MECOM: variants seen among roughly 807,000 people sequenced by gnomAD.
MECOM encodes MDS1 and EVI1 complex locus.
Under a neutral mutation model 116.3 loss-of-function variants are expected in MECOM, and 13 were observed. The observed-to-expected ratio is 0.11, with a 90% confidence interval of 0.07 to 0.18. The LOEUF is 0.18. Ranked by LOEUF, MECOM falls within the 10% of genes least tolerant of loss-of-function variation. MECOM has a pLI of 1.00. For missense variants in MECOM, 1,299 were observed against 1,509.0 expected (o/e 0.86, Z 2.31); for synonymous variants, 528 against 535.2 (o/e 0.99, Z 0.19).
At chr3:169,447,487 C>A (rs1488618100) in intron 1 of MECOM, among the ~76,000 whole-genome samples, 1 of 152,098 alleles carries the variant, frequency 6.6e-6, no homozygotes, top group Non-Finnish European at 1.5e-5. Flanking sequence ...CAAAGAAAGG[C>A]AGAATCATAC....
intron 1 of MECOM, among the ~76,000 whole-genome samples, chr3:169,481,879 A>T (rs570026236): frequency 6.6e-6 from 1 of 152,296 alleles, no homozygotes. Context: ...ACCATATCTC[A>T]AAGATCTGCC....
chr3:169,537,275 G>A (rs1759491209), intron 1 of MECOM, among the ~76,000 whole-genome samples: 1 of 152,128 alleles, frequency 6.6e-6, no homozygotes, highest in Non-Finnish European at 1.5e-5. Flanking sequence ...GTGGAATGCT[G>A]GGGAACCCTG....
At chr3:169,261,925 A>T (rs1757608493) in intron 2 of MECOM, among the ~76,000 whole-genome samples, 1 of 152,260 alleles carries the variant, frequency 6.6e-6, no homozygotes, top group Admixed American at 6.5e-5. Flanking sequence ...TGCTATCTGT[A>T]GCTACAAAGA....
intron 2 of MECOM, among the ~76,000 whole-genome samples, chr3:169,319,386 G>C (rs1255248082): frequency 6.6e-6 from 1 of 152,012 alleles, no homozygotes; most frequent in Non-Finnish European, 1.5e-5. Flanking sequence ...AGAACACATG[G>C]ACATGGGGAA....
intron 2 of MECOM, among the ~76,000 whole-genome samples, chr3:169,304,966 C>T (rs1446891139): frequency 2.6e-5 from 4 of 152,126 alleles, no homozygotes; most frequent in Non-Finnish European, 5.9e-5. Context: ...ACATTTGTAA[C>T]GATAAGATCT....
At chr3:169,578,674 A>ATG (rs1326347820) in intron 1 of MECOM, among the ~76,000 whole-genome samples, 12 of 151,978 alleles carry the variant, frequency 7.9e-5, no homozygotes, top group East Asian at 3.9e-4. Context: ...TAGTAATTGC[A>ATG]TGTGTGTGTG....
At chr3:169,345,474 G>C (rs967222419) in intron 2 of MECOM, among the ~76,000 whole-genome samples, 1 of 152,088 alleles carries the variant, frequency 6.6e-6, no homozygotes, top group Non-Finnish European at 1.5e-5. Context: ...TGCTGCAATA[G>C]ATAAAACCAG....
In MECOM at chr3:169,652,309, T is replaced by C. The variant is rs191549334; in HGVS notation, c.37+11027A>G. 1.8e-4 allele frequency among the ~76,000 whole-genome samples: 27 copies of C among 152,318 alleles called. No homozygotes were observed. In the East Asian group the frequency reaches 4.0e-3, roughly 23 times the overall value. Reference sequence around the variant, plus strand: ...TCCATCCCTCCATTCGTTTTTATTATCATTTTATCATGAAACATTTTATTA... The same window carrying C: ...TCCATCCCTCCATTCGTTTTTATTACCATTTTATCATGAAACATTTTATTA... On this transcript the variant is annotated intron_variant, in intron 1 of 16. Coordinates refer to ENST00000651503, the MANE Select transcript of MECOM (RefSeq NM_004991.4).
At chr3:169,447,669 G>T (rs765476069) in intron 1 of MECOM, among the ~76,000 whole-genome samples, 2 of 152,182 alleles carry the variant, frequency 1.3e-5, no homozygotes, top group Admixed American at 6.5e-5. Flanking sequence ...ATGATGAGTG[G>T]TTTATTACAC....
chr3:169,399,373 C>T (rs187814489), intron 1 of MECOM, among the ~76,000 whole-genome samples: 3 of 152,292 alleles, frequency 2.0e-5, no homozygotes, highest in Admixed American at 6.5e-5. Flanking sequence ...TCATTGCCAC[C>T]ACGGGAAGAG....
intron 2 of MECOM, among the ~76,000 whole-genome samples, chr3:169,158,773 T>G (rs1416149375): frequency 1.3e-5 from 2 of 152,220 alleles, no homozygotes; most frequent in Non-Finnish European, 1.5e-5. Flanking sequence ...TCACTGAATT[T>G]GGTTTCATTT....
chr3:169,354,767 CAT>C (rs1726960682), intron 2 of MECOM, among the ~76,000 whole-genome samples: 1 of 151,550 alleles, frequency 6.6e-6, no homozygotes, highest in African/African-American at 2.4e-5. Flanking sequence ...TTTGCATGGG[CAT>C]ATGTTTGTTC....
At chr3:169,377,204 G>A (rs553104249) in intron 2 of MECOM, among the ~76,000 whole-genome samples, 1 of 152,176 alleles carries the variant, frequency 6.6e-6, no homozygotes, top group East Asian at 1.9e-4. Context: ...TTACATGTAA[G>A]ACCTAAAACC....
At chr3:169,655,930 A>ATTAT (rs1775493665) in intron 1 of MECOM, among the ~76,000 whole-genome samples, 2 of 152,218 alleles carry the variant, frequency 1.3e-5, no homozygotes, top group African/African-American at 4.8e-5. Context: ...GGAGGGTAGT[A>ATTAT]TTATTACTCC....
chr3:169,445,960 G>A (rs1437323487), intron 1 of MECOM, among the ~76,000 whole-genome samples: 1 of 152,142 alleles, frequency 6.6e-6, no homozygotes, highest in Non-Finnish European at 1.5e-5. Flanking sequence ...CATTTGGAAT[G>A]GCTGTATTTA....
At chr3:169,621,165 G>A (rs996030722) in intron 1 of MECOM, among the ~76,000 whole-genome samples, 6 of 152,214 alleles carry the variant, frequency 3.9e-5, no homozygotes, top group East Asian at 1.9e-4. Flanking sequence ...ATATCAGCTA[G>A]TGTTGGTGAA....
At chr3:169,191,693 GAGAT>G (rs1183473825) in intron 2 of MECOM, among the ~76,000 whole-genome samples, 7 of 115,568 alleles carry the variant, frequency 6.1e-5, no homozygotes, top group African/African-American at 2.0e-4. Flanking sequence ...GAAAGAAAAA[GAGAT>G]AGAAAAGAAA....
chr3:169,103,905 C>T (rs1002347197), intron 10 of MECOM, among the ~76,000 whole-genome samples: 2 of 152,022 alleles, frequency 1.3e-5, no homozygotes, highest in Admixed American at 1.3e-4. Flanking sequence ...TGGAGCCTGC[C>T]CTCTCATTTC....
chr3:169,398,587 T>A (rs1293542480), intron 1 of MECOM, among the ~76,000 whole-genome samples: 1 of 152,184 alleles, frequency 6.6e-6, no homozygotes, highest in African/African-American at 2.4e-5. Flanking sequence ...AATGTGCCCA[T>A]CTATTTTGTG....
Sources: gnomAD v4.1 joint callset for allele counts (sites outside exome capture counted in the v4.1 genomes callset) on GRCh38, gnomAD v4.1.1 for gene constraint, MANE v1.5 for transcripts, NCBI Gene and HGNC (gene_info 2026-07-23, HGNC 2026-07-21) for gene names.